Variants in ZNF704 observed in about 807,000 individuals in gnomAD.
The protein encoded by ZNF704 is zinc finger protein 704.
ZNF704 carries 10 observed loss-of-function variants against 44.7 expected under a neutral mutation model. The ratio of observed to expected loss-of-function variants is 0.22; its 90% CI spans 0.14 to 0.38. ZNF704 has a LOEUF of 0.38. Among genes scored for constraint, ZNF704 ranks in the 10% least tolerant of loss-of-function variants. The pLI, the probability that ZNF704 is intolerant of heterozygous loss-of-function variation, is 1.00. For missense variants in ZNF704, 390 were observed against 545.5 expected, an observed-to-expected ratio of 0.71 and a Z score of 2.84; for synonymous variants, 211 against 207.6, an observed-to-expected ratio of 1.02 and a Z score of -0.14.
At chr8:80,767,822 C>T (rs1348481853) in intron 2 of ZNF704, among the ~76,000 whole-genome samples, 1 of 152,076 alleles carries the variant, frequency 6.6e-6, no homozygotes, top group Non-Finnish European at 1.5e-5. Flanking sequence ...TCCTTGAAAC[C>T]CTCTATAACT....
intron 7 of ZNF704, among the ~76,000 whole-genome samples, chr8:80,659,222 T>C (rs950116916): frequency 1.3e-5 from 2 of 152,212 alleles, no homozygotes; most frequent in African/African-American, 4.8e-5. Flanking sequence ...AAGTAATAAA[T>C]TTTATAGTTA....
At chr8:80,845,816 C>A (rs532598599) in intron 1 of ZNF704, among the ~76,000 whole-genome samples, 1 of 152,196 alleles carries the variant, frequency 6.6e-6, no homozygotes, top group East Asian at 1.9e-4. Flanking sequence ...AGGTTGGTGT[C>A]TGATATTCCT....
At position 80,779,894 on chromosome 8, in the gene ZNF704, CTAAATA is replaced by C. The variant is rs1807487732; in HGVS notation, c.221+41474_221+41479del. On this transcript the variant is annotated intron_variant, in intron 2 of 8. Transcript: ENST00000327835. ...TTTCCTACATTTGCAGTCAAAATAG[CTAAATA>C]TAATAATAATATTAATATTATAATA... 1.3e-4 allele frequency among the ~76,000 whole-genome samples: 19 copies of C among 149,778 alleles called. 1 individual carries two copies. The South Asian group carries it at 3.8e-3, about 30-fold the overall frequency.
intron 1 of ZNF704, among the ~76,000 whole-genome samples, chr8:80,858,454 G>C (rs1346488881): frequency 6.6e-6 from 1 of 152,114 alleles, no homozygotes; most frequent in Non-Finnish European, 1.5e-5. Flanking sequence ...TGATGGAGCT[G>C]GGCACGGTGG....
intron 2 of ZNF704, among the ~76,000 whole-genome samples, chr8:80,702,468 G>C (rs1818825658): frequency 6.6e-6 from 1 of 152,182 alleles, no homozygotes. Context: ...CAGAAGCCTG[G>C]GGTGGGAGTG....
At chr8:80,758,883 A>T (rs1181339276) in intron 2 of ZNF704, among the ~76,000 whole-genome samples, 1 of 152,220 alleles carries the variant, frequency 6.6e-6, no homozygotes, top group East Asian at 1.9e-4. Context: ...ATGTAATAAA[A>T]TATGGTAGTA....
chr8:80,879,052 C>T (rs1001868366), upstream of ZNF704, among the ~76,000 whole-genome samples: 2 of 152,116 alleles, frequency 1.3e-5, no homozygotes, highest in African/African-American at 4.8e-5. Flanking sequence ...CTAGTTAAGT[C>T]CCCTGATCTC....
At chr8:80,710,480 G>A (rs1818967693) in intron 2 of ZNF704, among the ~76,000 whole-genome samples, 1 of 152,146 alleles carries the variant, frequency 6.6e-6, no homozygotes, top group East Asian at 1.9e-4. Flanking sequence ...GTATGTATGT[G>A]TTACGACAGT....
In ZNF704 at chr8:80,717,387, G is replaced by T. The variant is rs73273080; in HGVS notation, c.222-24280C>A. Among the ~76,000 whole-genome samples the T allele has an allele frequency of 7.1e-3, 1,079 of 152,354 alleles. 12 individuals are homozygous for T. Among genetic ancestry groups the T allele is most frequent in the African/African-American group, 0.024 (1,002 of 41,572 alleles). On this transcript the variant is annotated intron_variant, in intron 2 of 8. Transcript: ENST00000327835. ...ATTCCTGAAGCTTATATTTTAGAAG[G>T]ATAAAATGGGGCAAACAGAGACTCT...
intron 2 of ZNF704, among the ~76,000 whole-genome samples, chr8:80,775,778 G>A (rs1327672108): frequency 1.3e-5 from 2 of 152,278 alleles, no homozygotes; most frequent in East Asian, 3.9e-4. Context: ...ACTCCAGAGT[G>A]AAATGGCAAG....
intron 1 of ZNF704, among the ~76,000 whole-genome samples, chr8:80,834,153 C>G (rs1439601504): frequency 6.6e-6 from 1 of 151,958 alleles, no homozygotes; most frequent in Non-Finnish European, 1.5e-5. Context: ...GTGATTGTGC[C>G]ACTGCACTCC....
chr8:80,665,303 A>G (rs1397559889), intron 5 of ZNF704, among the ~76,000 whole-genome samples: 1 of 152,150 alleles, frequency 6.6e-6, no homozygotes, highest in African/African-American at 2.4e-5. Context: ...CATTCAATCA[A>G]TTATTCAACA....
rs891503306 is a variant in ZNF704 at position 80,830,700 on chromosome 8, C to T, written c.-21-9085G>A. Among the ~76,000 whole-genome samples, 4 of 148,588 alleles carry T rather than the reference C, an allele frequency of 2.7e-5. No homozygotes were observed. In the South Asian group the frequency reaches 8.5e-4, roughly 31 times the overall value. On this transcript the variant is annotated intron_variant, in intron 1 of 8. Transcript: ENST00000327835. ...GAAGGAAGGAAGGAAACCAGAGTAA[C>T]TAAGGAAGGAGGGAAACCAGAGTAA...
chr8:80,646,575 A>C (rs1051097309), intron 7 of ZNF704, among the ~76,000 whole-genome samples: 1 of 152,182 alleles, frequency 6.6e-6, no homozygotes, highest in Admixed American at 6.5e-5. Flanking sequence ...CTTCATGCTA[A>C]AGTTGGGTGG....
intron 6 of ZNF704, among the ~76,000 whole-genome samples, chr8:80,663,232 T>C (rs2131608214): frequency 6.6e-6 from 1 of 151,944 alleles, no homozygotes; most frequent in African/African-American, 2.4e-5. Context: ...ATTTAAAAAA[T>C]TAGCTGGATG....
chr8:80,841,336 G>A (rs541100729), intron 1 of ZNF704, among the ~76,000 whole-genome samples: 9 of 152,238 alleles, frequency 5.9e-5, no homozygotes, highest in South Asian at 4.1e-4. Flanking sequence ...AATAATACAC[G>A]GCAGAGGTAT....
At chr8:80,677,299 C>T (rs1000309858) in intron 4 of ZNF704, among the ~76,000 whole-genome samples, 5 of 152,246 alleles carry the variant, frequency 3.3e-5, no homozygotes, top group South Asian at 2.1e-4. Flanking sequence ...GATTACTGTT[C>T]GTCCTTGCAA....
chr8:80,806,600 G>A (rs1429020509), intron 2 of ZNF704, among the ~76,000 whole-genome samples: 1 of 152,190 alleles, frequency 6.6e-6, no homozygotes, highest in Non-Finnish European at 1.5e-5. Context: ...GAATAACTCA[G>A]TTTTTAATTT....
intron 2 of ZNF704, among the ~76,000 whole-genome samples, chr8:80,799,958 T>C (rs1292074958): frequency 6.6e-6 from 1 of 151,192 alleles, no homozygotes; most frequent in African/African-American, 2.4e-5. Flanking sequence ...GAATAGCTAG[T>C]TTAGAGAGGA....
Sources: gnomAD v4.1 joint callset for allele counts (sites outside exome capture counted in the v4.1 genomes callset) on GRCh38, gnomAD v4.1.1 for gene constraint, MANE v1.5 for transcripts, NCBI Gene and HGNC (gene_info 2026-07-23, HGNC 2026-07-21) for gene names.